NCAM1: variants seen among roughly 807,000 people sequenced by gnomAD.
The protein encoded by NCAM1 is neural cell adhesion molecule 1.
NCAM1 carries 14 observed loss-of-function variants against 109.8 expected under a neutral mutation model. The ratio of observed to expected loss-of-function variants is 0.13; its 90% CI spans 0.08 to 0.20. The LOEUF is 0.20. Among genes scored for constraint, NCAM1 ranks in the 10% least tolerant of loss-of-function variants. The probability of loss-of-function intolerance (pLI) is 1.00; values close to 1 mark genes in which losing one functional copy is unlikely to be tolerated. For synonymous variants in NCAM1, 418 were observed against 442.9 expected (o/e 0.94, Z 0.70); for missense variants, 774 against 1,109.9 (o/e 0.70, Z 4.30).
chr11:112,964,027 C>A (rs781795965), intron 1 of NCAM1, among the ~76,000 whole-genome samples: 4 of 150,642 alleles, frequency 2.7e-5, no homozygotes, highest in Non-Finnish European at 5.9e-5. Flanking sequence ...GTCTTTTGTA[C>A]CATAGTTTTT....
In NCAM1 at chr11:113,207,343, C is replaced by T. The variant is rs782677309; in HGVS notation, c.711C>T (p.Ala237=). The part of the protein sequence containing the change: ...LGQSVTLVCD[A]EGFPEPTMSW... ...AGTCCGTCACCCTGGTGTGCGATGC[C>T]GAAGGCTTCCCAGAGCCCACCATGA... is the stretch of plus-strand genomic sequence containing the variant. Residue 237 remains alanine, a synonymous_variant, in exon 6 of 20, where the codon GCC becomes GCT. Transcript: ENST00000316851. 39 of 1,613,982 alleles carry T rather than the reference C, an allele frequency of 2.4e-5. No individual in the cohort carries two copies. Among genetic ancestry groups the T allele is most frequent in the Middle Eastern group, 1.6e-4 (1 of 6,062 alleles).
intron 13 of NCAM1, among the ~76,000 whole-genome samples, chr11:113,234,588 T>C (rs570885229): frequency 6.6e-6 from 1 of 152,392 alleles, no homozygotes; most frequent in South Asian, 2.1e-4. Flanking sequence ...TAGCATAATA[T>C]CTTCAAGGTT....
At chr11:113,249,126 AC>A (rs1206681169) in intron 15 of NCAM1, among the ~76,000 whole-genome samples, 1 of 152,140 alleles carries the variant, frequency 6.6e-6, no homozygotes, top group Non-Finnish European at 1.5e-5. Context: ...TTCTTTAGCT[AC>A]TGACACTGAC....
intron 1 of NCAM1, among the ~76,000 whole-genome samples, chr11:113,166,055 T>A (rs1942787099): frequency 6.6e-6 from 1 of 152,026 alleles, no homozygotes; most frequent in Non-Finnish European, 1.5e-5. Flanking sequence ...GTGGTCCCGA[T>A]CTCCTGACCT....
rs1946445380 is a variant in NCAM1, at chr11:113,278,245, A to G, written c.*2858A>G. ...TCTGGATGGCGGTTTTCAGACCTCC[A>G]TTAACATCCCTACCCAGCATTCTGT... is the stretch of plus-strand genomic sequence containing the variant. On this transcript the variant is annotated 3_prime_UTR_variant, in exon 20 of 20. Transcript: ENST00000316851. 1 of 152,188 alleles carries G rather than the reference A, an allele frequency of 6.6e-6. No individual in the cohort carries two copies. Among genetic ancestry groups the G allele is most frequent in the Admixed American group, 6.5e-5 (1 of 15,282 alleles). The allele number at this position is 152,188 out of a possible 1,614,324, so 9.4% of individuals were successfully genotyped here.
At chr11:113,049,830 T>C (rs942013161) in intron 1 of NCAM1, among the ~76,000 whole-genome samples, 1 of 152,190 alleles carries the variant, frequency 6.6e-6, no homozygotes, top group Admixed American at 6.5e-5. Context: ...GTCTGTCCTA[T>C]TGACAAAGCG....
intron 1 of NCAM1, among the ~76,000 whole-genome samples, chr11:113,132,512 A>C (rs1173770603): frequency 1.3e-5 from 2 of 151,980 alleles, no homozygotes; most frequent in African/African-American, 4.8e-5. Context: ...TCTCCCCAGT[A>C]TAGCAGTCAA....
chr11:113,058,023 A>T (rs1953774948), intron 1 of NCAM1, among the ~76,000 whole-genome samples: 2 of 152,124 alleles, frequency 1.3e-5, no homozygotes, highest in Admixed American at 1.3e-4. Flanking sequence ...GGTGGCTCAC[A>T]CCTGTAATTC....
chr11:113,086,529 G>T (rs1275876143), intron 1 of NCAM1, among the ~76,000 whole-genome samples: 1 of 152,186 alleles, frequency 6.6e-6, no homozygotes, highest in Non-Finnish European at 1.5e-5. Context: ...CAGTTCAGAT[G>T]CTCAGGGATG....
chr11:113,255,754 C>T, intron 15 of NCAM1, 123 bp from the exon 16 acceptor site: 1 of 1,108,636 alleles, frequency 9.0e-7, no homozygotes, highest in Non-Finnish European at 1.3e-6. Flanking sequence ...GCTTTTTAAC[C>T]ATTTGAATTT....
At chr11:113,243,120 C>G (rs1172086535) in intron 14 of NCAM1, among the ~76,000 whole-genome samples, 2 of 152,200 alleles carry the variant, frequency 1.3e-5, no homozygotes, top group Non-Finnish European at 2.9e-5. Context: ...TAAAAATAGC[C>G]AAGGATTAGG....
intron 1 of NCAM1, among the ~76,000 whole-genome samples, chr11:112,983,490 A>C (rs1951210086): frequency 6.6e-6 from 1 of 151,772 alleles, no homozygotes; most frequent in Non-Finnish European, 1.5e-5. Context: ...TGCCCATCCT[A>C]GAAAAGTTTT....
At chr11:113,201,305 C>T (rs1382862593) in intron 1 of NCAM1, among the ~76,000 whole-genome samples, 11 of 152,200 alleles carry the variant, frequency 7.2e-5, no homozygotes, top group African/African-American at 2.2e-4. Flanking sequence ...ACGAGCATCA[C>T]CTCCATTCTA....
At chr11:113,033,859 G>T (rs1348853450) in intron 1 of NCAM1, among the ~76,000 whole-genome samples, 1 of 152,144 alleles carries the variant, frequency 6.6e-6, no homozygotes, top group African/African-American at 2.4e-5. Flanking sequence ...TTATAAAGTT[G>T]GTTGGCCAGT....
chr11:113,199,842 A>AAAAAAAG, intron 1 of NCAM1, among the ~76,000 whole-genome samples: 1 of 151,378 alleles, frequency 6.6e-6, no homozygotes, highest in East Asian at 1.9e-4. Flanking sequence ...AAAAAAAAAA[A>AAAAAAAG]AAAAAAACTT....
chr11:113,173,591 G>T (rs1275589055), intron 1 of NCAM1, among the ~76,000 whole-genome samples: 3 of 126,718 alleles, frequency 2.4e-5, no homozygotes, highest in African/African-American at 8.7e-5. Context: ...CATGTTACCT[G>T]ATATATATAT....
intron 1 of NCAM1, among the ~76,000 whole-genome samples, chr11:113,196,213 T>C (rs1943851257): frequency 6.6e-6 from 1 of 152,188 alleles, no homozygotes; most frequent in South Asian, 2.1e-4. Context: ...TATTTAATTC[T>C]TGTGACAATC....
At chr11:113,259,628 C>T (rs1302246974) in intron 16 of NCAM1, among the ~76,000 whole-genome samples, 1 of 151,470 alleles carries the variant, frequency 6.6e-6, no homozygotes, top group Non-Finnish European at 1.5e-5. Context: ...TGTTTGCCAG[C>T]ATGCAAAGTT....
intron 1 of NCAM1, among the ~76,000 whole-genome samples, chr11:113,042,289 C>T (rs1487757581): frequency 5.9e-5 from 9 of 152,176 alleles, no homozygotes; most frequent in African/African-American, 2.2e-4. Context: ...TGACTCCCTG[C>T]CCCTGCCGCA....
Sources: allele counts gnomAD v4.1 joint callset (sites outside exome capture counted in the v4.1 genomes callset), GRCh38; gene constraint gnomAD v4.1.1; transcripts MANE v1.5; gene names NCBI Gene and HGNC (gene_info 2026-07-23, HGNC 2026-07-21).